The following CASP6 variants were observed in gnomAD, a reference collection of about 807,000 sequenced individuals.
CASP6 encodes the protein caspase 6, also known as caspase-6.
Under a neutral mutation model 31.8 loss-of-function variants are expected in CASP6, and 20 were observed. The ratio of observed to expected loss-of-function variants is 0.63; its 90% CI spans 0.44 to 0.91. CASP6 has a LOEUF of 0.91. Among genes scored for constraint, CASP6 ranks in the 40% least tolerant of loss-of-function variants. CASP6 has a pLI of 0.00. For missense variants in CASP6, 328 were observed against 361.1 expected (o/e 0.91, Z 0.74); for synonymous variants, 130 against 127.8 (o/e 1.02, Z -0.12).
chr4:109,709,431 T>C, the CASP6 span, among the ~76,000 whole-genome samples: 3 of 152,192 alleles, frequency 2.0e-5, no homozygotes, highest in Non-Finnish European at 2.9e-5. Flanking sequence ...CTAAGTTAAC[T>C]GACAGGATGA....
intron 4 of CASP6, among the ~76,000 whole-genome samples, chr4:109,695,856 T>C (rs1490475857): frequency 6.6e-6 from 1 of 152,036 alleles, no homozygotes; most frequent in Non-Finnish European, 1.5e-5. Context: ...GAAAAGCTGG[T>C]AAAAGCAGCC....
chr4:109,698,249 A>G, intron 2 of CASP6, 51 bp downstream of exon 2: 1 of 1,564,042 alleles, frequency 6.4e-7, no homozygotes, highest in Non-Finnish European at 8.7e-7. Flanking sequence ...CTGTAGGCTG[A>G]TCATGACCAT....
chr4:109,685,235 TC>T (rs1729810966), downstream of CASP6: 30 of 954,692 alleles, frequency 3.1e-5, no homozygotes, highest in African/African-American at 5.0e-4. Context: ...TTCTTCTCTC[TC>T]TCTTTTTTTT....
downstream of CASP6, chr4:109,684,433 TCCCCC>T: frequency 6.3e-7 from 1 of 1,591,292 alleles, no homozygotes; most frequent in Admixed American, 1.8e-5. Flanking sequence ...AGTTTTTCAT[TCCCCC>T]TCAGGTGAAA....
chr4:109,668,843 T>C, the CASP6 span, among the ~76,000 whole-genome samples: 1 of 152,074 alleles, frequency 6.6e-6, no homozygotes, highest in African/African-American at 2.4e-5. Flanking sequence ...GTTTGCAATA[T>C]ACATTTACAA....
chr4:109,665,823 G>A, the CASP6 span, among the ~76,000 whole-genome samples: 6 of 152,014 alleles, frequency 3.9e-5, no homozygotes, highest in Admixed American at 3.9e-4. Context: ...GCAGGGGTGG[G>A]GGCGCATGGT....
chr4:109,697,983 T>A (rs888459706), intron 2 of CASP6, among the ~76,000 whole-genome samples: 1 of 152,134 alleles, frequency 6.6e-6, no homozygotes, highest in African/African-American at 2.4e-5. Flanking sequence ...TCCTGACACA[T>A]CCCTAACCCT....
At chr4:109,706,131 T>TTATATATATATATATA (rs58847180), upstream of CASP6, among the ~76,000 whole-genome samples, 77 of 36,038 alleles carry the variant, frequency 2.1e-3, no homozygotes, top group East Asian at 5.0e-3. Context: ...CCTATCCATT[T>TTATATATATATATATA]TATATATATA....
rs115436636 is a variant in CASP6, at chr4:109,701,563, G to A, written c.40+1793C>T. 3.8e-3 allele frequency among the ~76,000 whole-genome samples: 574 copies of A among 152,222 alleles called. 7 individuals carry two copies. The highest frequency in any genetic ancestry group is 0.013 in the African/African-American group (533 of 41,528). On this transcript the variant is annotated intron_variant, in intron 1 of 6. Coordinates refer to ENST00000265164, the MANE Select transcript of CASP6 (RefSeq NM_001226.4). ...CTGCCTCAGTCTCCCCAGTAGCTGG[G>A]ACTAGAGGCGCCCACCACTGTGTCT...
At chr4:109,682,854 C>T in the CASP6 span, 22 of 774,576 alleles carry the variant, frequency 2.8e-5, no homozygotes, top group South Asian at 3.9e-5. Flanking sequence ...TTCTCCTTTA[C>T]GCCTCACAAA....
downstream of CASP6, among the ~76,000 whole-genome samples, chr4:109,684,123 A>T (rs1292244019): frequency 6.9e-6 from 1 of 144,154 alleles, no homozygotes. Context: ...AGTGCAGTGG[A>T]GTGATCTTGG....
downstream of CASP6, among the ~76,000 whole-genome samples, chr4:109,684,042 A>C (rs187645841): frequency 1.7e-3 from 257 of 149,988 alleles, no homozygotes; most frequent in African/African-American, 6.1e-3. Context: ...GCAGATGTGC[A>C]TTTGTTCAAG....
the CASP6 span, among the ~76,000 whole-genome samples, chr4:109,670,443 C>T: frequency 5.1e-3 from 773 of 152,206 alleles, 3 homozygotes; most frequent in African/African-American, 0.018. Context: ...TTTGGCCAGG[C>T]GCAGTGGTTC....
chr4:109,706,004 ATATATAT>A (rs1730598022), upstream of CASP6, among the ~76,000 whole-genome samples: 6 of 44,036 alleles, frequency 1.4e-4, no homozygotes, highest in East Asian at 9.1e-4. Context: ...AAAAAAAAAT[ATATATAT>A]ATATATATAT....
At chr4:109,678,123 C>T in the CASP6 span, among the ~76,000 whole-genome samples, 5,656 of 151,784 alleles carry the variant, frequency 0.037, 365 homozygotes, top group African/African-American at 0.13. Context: ...TCAGAGAGCA[C>T]GGGGTTGGGG....
chr4:109,664,616 G>A, the CASP6 span, among the ~76,000 whole-genome samples: 5 of 152,024 alleles, frequency 3.3e-5, no homozygotes, highest in South Asian at 8.3e-4. Flanking sequence ...TTTAGGGATT[G>A]GGTCTCCCTA....
rs148731452 is a variant in CASP6, at chr4:109,690,682, T to C, written c.643+168A>G. On this transcript the variant is annotated intron_variant, in intron 6 of 6. Transcript: ENST00000265164. ...ATTTTTCTGTAAGGTACTTTACACT[T>C]TCATTTATCACTCTGTGCCATGTGG... 3.7e-3 allele frequency among the ~76,000 whole-genome samples: 564 copies of C among 152,330 alleles called. 7 individuals are homozygous for C. Among genetic ancestry groups the C allele is most frequent in the East Asian group, 0.015 (78 of 5,188 alleles).
the CASP6 span, among the ~76,000 whole-genome samples, chr4:109,667,071 G>T: frequency 1.3e-5 from 2 of 152,028 alleles, no homozygotes; most frequent in East Asian, 3.8e-4. Flanking sequence ...GTTTTTGTCT[G>T]GTTTTAGTAT....
the CASP6 span, among the ~76,000 whole-genome samples, chr4:109,665,833 T>TA: frequency 6.6e-6 from 1 of 151,556 alleles, no homozygotes; most frequent in Non-Finnish European, 1.5e-5. Flanking sequence ...GGGCGCATGG[T>TA]AGTAGGGCCA....
Sources: gnomAD v4.1 joint callset for allele counts (sites outside exome capture counted in the v4.1 genomes callset) on GRCh38, gnomAD v4.1.1 for gene constraint, MANE v1.5 for transcripts, NCBI Gene and HGNC (gene_info 2026-07-23, HGNC 2026-07-21) for gene names.